The following PCNX2 variants were observed in gnomAD, a reference collection of about 807,000 sequenced individuals.
PCNX2 encodes the protein pecanex 2.
PCNX2 carries 168 observed loss-of-function variants against 223.8 expected under a neutral mutation model. That is an observed-to-expected ratio of 0.75 (90% CI 0.66 to 0.85). The LOEUF is 0.85. Among genes scored for constraint, PCNX2 ranks in the 40% least tolerant of loss-of-function variants. The probability of loss-of-function intolerance (pLI) is 0.00; values close to 1 mark genes in which losing one functional copy is unlikely to be tolerated. For missense variants in PCNX2, 2,507 were observed against 2,675.5 expected, an observed-to-expected ratio of 0.94 and a Z score of 1.39; for synonymous variants, 1,006 against 1,052.6, an observed-to-expected ratio of 0.96 and a Z score of 0.86.
intron 23 of PCNX2, among the ~76,000 whole-genome samples, chr1:233,082,225 T>C (rs1673395546): frequency 6.6e-6 from 1 of 152,122 alleles, no homozygotes; most frequent in African/African-American, 2.4e-5. Flanking sequence ...CTGGAATGAA[T>C]ATATTAGAGA....
intron 21 of PCNX2, among the ~76,000 whole-genome samples, chr1:233,129,890 G>C (rs931208653): frequency 6.6e-6 from 1 of 152,200 alleles, no homozygotes; most frequent in Admixed American, 6.5e-5. Flanking sequence ...AGAGCCAGCA[G>C]TGGCAATCTG....
intron 21 of PCNX2, among the ~76,000 whole-genome samples, chr1:233,119,403 C>CAAAAAAAAAAAAA (rs71173251): frequency 1.6e-3 from 62 of 38,618 alleles, no homozygotes; most frequent in Non-Finnish European, 2.0e-3. Context: ...ACTAAAAATA[C>CAAAAAAAAAAAAA]AAAAAAAAAA....
intron 10 of PCNX2, among the ~76,000 whole-genome samples, chr1:233,220,967 A>G (rs577185851): frequency 3.4e-4 from 51 of 152,202 alleles, no homozygotes; most frequent in Non-Finnish European, 6.8e-4. Flanking sequence ...AAATAACTAT[A>G]GTAAAATAGG....
intron 10 of PCNX2, among the ~76,000 whole-genome samples, chr1:233,226,053 C>A (rs1436935465): frequency 6.6e-6 from 1 of 152,168 alleles, no homozygotes; most frequent in Admixed American, 6.5e-5. Flanking sequence ...GACAGGCAAC[C>A]AGTTTTTCCA....
At chr1:233,122,691 T>C (rs1675872307) in intron 21 of PCNX2, among the ~76,000 whole-genome samples, 1 of 152,052 alleles carries the variant, frequency 6.6e-6, no homozygotes, top group South Asian at 2.1e-4. Context: ...GCCTGGCTAA[T>C]TTTTTGTATT....
At position 233,082,292 on chromosome 1, in the gene PCNX2, C is replaced by T. The variant is rs192115376; in HGVS notation, c.4076+7769G>A. ...ATGAGGATCGCCATTGTTACTGCTA[C>T]TACTGCTGCTCCACTCCCACTACTG... On this transcript the variant is annotated intron_variant, in intron 23 of 33. Transcript: ENST00000258229. 2.6e-5 allele frequency among the ~76,000 whole-genome samples: 4 copies of T among 152,272 alleles called. No homozygotes were observed. In the East Asian group the frequency reaches 7.7e-4, roughly 29 times the overall value.
At chr1:233,120,018 T>C (rs907324684) in intron 21 of PCNX2, among the ~76,000 whole-genome samples, 4 of 150,650 alleles carry the variant, frequency 2.7e-5, no homozygotes, top group Non-Finnish European at 1.5e-5. Flanking sequence ...AATACAAAAA[T>C]TAGCCAGGCG....
chr1:233,249,386 T>C lies in PCNX2; in HGVS notation c.2222+1353A>G, dbSNP rs559843230. Reference sequence around the variant, plus strand: ...TAATATGACAGTTTTCAAAGCTGCGTTCTCATGCAATTACATATTTTGTCT... The same window carrying C: ...TAATATGACAGTTTTCAAAGCTGCGCTCTCATGCAATTACATATTTTGTCT... On this transcript the variant is annotated intron_variant, in intron 8 of 33. Transcript: ENST00000258229. Among the ~76,000 whole-genome samples the C allele has an allele frequency of 3.0e-4, 45 of 152,354 alleles. 1 individual carries two copies. Among genetic ancestry groups the C allele is most frequent in the African/African-American group, 1.1e-3 (45 of 41,582 alleles).
Position 233,167,613 on chromosome 1 carries a change from T to C in PCNX2, c.3274-6250A>G, listed in dbSNP as rs11805459. On this transcript the variant is annotated intron_variant, in intron 17 of 33. Transcript: ENST00000258229. The stretch of plus-strand genomic sequence containing the variant: ...TAACTATGCGAGATGATGGATATGT[T>C]AACTTACTTCACTATAGTAACCATT... 1,457 of 545,376 alleles carry C rather than the reference T, an allele frequency of 2.7e-3. 7 individuals are homozygous for C. The highest frequency in any genetic ancestry group is 0.016 in the African/African-American group (791 of 48,584). The allele number at this position is 545,376 out of a possible 1,614,324, so 33.8% of individuals were successfully genotyped here. A position where few individuals can be genotyped will look rare whatever the true frequency, so the allele number is the denominator to read the frequency against.
At chr1:233,312,977 T>A in the PCNX2 span, among the ~76,000 whole-genome samples, 2 of 151,620 alleles carry the variant, frequency 1.3e-5, no homozygotes, top group Non-Finnish European at 2.9e-5. Flanking sequence ...GAAGATTCAG[T>A]GTCATACTAA....
At chr1:233,238,631 T>A (rs1275459736) in intron 8 of PCNX2, among the ~76,000 whole-genome samples, 1 of 148,360 alleles carries the variant, frequency 6.7e-6, no homozygotes, top group Non-Finnish European at 1.5e-5. Flanking sequence ...AGGTCTAGGC[T>A]GCAGTAAGCC....
At chr1:233,193,664 A>T (rs567073297) in intron 15 of PCNX2, among the ~76,000 whole-genome samples, 1 of 152,354 alleles carries the variant, frequency 6.6e-6, no homozygotes, top group South Asian at 2.1e-4. Context: ...AATGACTATG[A>T]TTAATATGTT....
intron 8 of PCNX2, among the ~76,000 whole-genome samples, chr1:233,237,735 A>G (rs1259423081): frequency 3.3e-5 from 5 of 152,202 alleles, no homozygotes; most frequent in African/African-American, 1.2e-4. Context: ...AATGTCTCCT[A>G]ACATAACTCC....
At chr1:233,318,837 T>C in the PCNX2 span, among the ~76,000 whole-genome samples, 1 of 152,142 alleles carries the variant, frequency 6.6e-6, no homozygotes, top group Non-Finnish European at 1.5e-5. Context: ...CCCAAAGTGC[T>C]GGGATTACAA....
At chr1:233,002,685 C>T (rs1670129297) in intron 28 of PCNX2, among the ~76,000 whole-genome samples, 1 of 152,206 alleles carries the variant, frequency 6.6e-6, no homozygotes, top group Non-Finnish European at 1.5e-5. Context: ...AGAAAAGAGA[C>T]TGTATAGCCA....
Position 233,295,016 on chromosome 1 carries a change from T to C in PCNX2, c.153+310A>G, listed in dbSNP as rs1258068894. 6.6e-6 allele frequency among the ~76,000 whole-genome samples: 1 copy of C among 152,006 alleles called. No homozygotes were observed. The highest frequency in any genetic ancestry group is 1.5e-5 in the Non-Finnish European group (1 of 68,012). On this transcript the variant is annotated intron_variant, in intron 1 of 33. Coordinates refer to ENST00000258229, the MANE Select transcript of PCNX2 (RefSeq NM_014801.4). This position sits in a 1 kb window ranked among gnomAD's most constrained non-coding sequence, Gnocchi z 4.1. ...AGCTACCCAGCTCTAAGGCCTAGAG[T>C]TACCCACCTACAAAACAGGCTGCAC...
At chr1:233,064,577 T>C (rs1672522425) in intron 23 of PCNX2, among the ~76,000 whole-genome samples, 1 of 152,184 alleles carries the variant, frequency 6.6e-6, no homozygotes, top group African/African-American at 2.4e-5. Context: ...GATTTTAAAA[T>C]GTCAGTCCCT....
At chr1:233,163,529 T>C (rs568146761) in intron 17 of PCNX2, among the ~76,000 whole-genome samples, 1 of 151,728 alleles carries the variant, frequency 6.6e-6, no homozygotes, top group Non-Finnish European at 1.5e-5. Flanking sequence ...TATGTATATT[T>C]TACATGTATA....
At chr1:233,270,914 T>C (rs961363059) in intron 1 of PCNX2, among the ~76,000 whole-genome samples, 8 of 152,338 alleles carry the variant, frequency 5.3e-5, no homozygotes, top group Admixed American at 2.0e-4. Flanking sequence ...ATGAGAATCA[T>C]TGTAGACTTA....
Sources: allele counts gnomAD v4.1 joint callset (sites outside exome capture counted in the v4.1 genomes callset), GRCh38; gene constraint gnomAD v4.1.1; non-coding constraint Gnocchi (gnomAD v3.1); transcripts MANE v1.5; gene names NCBI Gene and HGNC (gene_info 2026-07-23, HGNC 2026-07-21).